Variants in CAMK2D observed in about 807,000 individuals in gnomAD.
The protein encoded by CAMK2D is calcium/calmodulin dependent protein kinase II delta.
Under a neutral mutation model 84.0 loss-of-function variants are expected in CAMK2D, and 37 were observed. That is an observed-to-expected ratio of 0.44 (90% confidence interval 0.34 to 0.58). The LOEUF (loss-of-function observed/expected upper bound fraction) is 0.58, where lower values mean the gene tolerates loss of function less well. CAMK2D is among the 20% of genes least tolerant of loss of function. The pLI is 0.02. For synonymous variants in CAMK2D, 202 were observed against 212.5 expected (o/e 0.95, Z 0.43); for missense variants, 448 against 652.5 (o/e 0.69, Z 3.41).
rs1332601868 is a variant in CAMK2D at position 113,686,488 on chromosome 4, C to T, written c.161-24716G>A. 1.1e-4 allele frequency among the ~76,000 whole-genome samples: 17 copies of T among 152,158 alleles called. 1 individual carries two copies. Among genetic ancestry groups the T allele is most frequent in the Admixed American group, 1.0e-3 (16 of 15,270 alleles). On this transcript the variant is annotated intron_variant, in intron 2 of 20. Coordinates refer to ENST00000511664, the MANE Select transcript of CAMK2D (RefSeq NM_001321571.2). Reference sequence around the variant, plus strand: ...TTAAGTAAGGTACCCTTCTAATTGCCATAATAATTCAAACATTTCTTTAGG... The same window carrying T: ...TTAAGTAAGGTACCCTTCTAATTGCTATAATAATTCAAACATTTCTTTAGG...
intron 3 of CAMK2D, among the ~76,000 whole-genome samples, chr4:113,651,733 T>C (rs2099173610): frequency 6.6e-6 from 1 of 152,170 alleles, no homozygotes; most frequent in Non-Finnish European, 1.5e-5. Context: ...TAGCCTTCAT[T>C]GTTTTCTGAC....
intron 2 of CAMK2D, among the ~76,000 whole-genome samples, chr4:113,742,990 G>A (rs181358189): frequency 1.9e-3 from 296 of 152,216 alleles, no homozygotes; most frequent in African/African-American, 6.7e-3. Flanking sequence ...AAATTGAATC[G>A]TAATAAGGGA....
intron 3 of CAMK2D, among the ~76,000 whole-genome samples, chr4:113,644,566 C>T (rs527388591): frequency 2.6e-5 from 4 of 152,058 alleles, no homozygotes; most frequent in South Asian, 2.1e-4. Flanking sequence ...AATGGGCAAC[C>T]GAGAAGGTAG....
chr4:113,598,385 C>G (rs1448552953), intron 4 of CAMK2D, among the ~76,000 whole-genome samples: 3 of 151,856 alleles, frequency 2.0e-5, no homozygotes, highest in Non-Finnish European at 4.4e-5. Flanking sequence ...AAAACTAACT[C>G]AAAATAGATC....
chr4:113,595,561 C>A (rs545229465), intron 4 of CAMK2D, among the ~76,000 whole-genome samples: 2 of 151,864 alleles, frequency 1.3e-5, no homozygotes, highest in African/African-American at 4.8e-5. Context: ...GATACCGATA[C>A]TACCCATGAA....
At chr4:113,709,023 A>C (rs1043973808) in intron 2 of CAMK2D, among the ~76,000 whole-genome samples, 3 of 152,234 alleles carry the variant, frequency 2.0e-5, no homozygotes, top group African/African-American at 7.2e-5. Context: ...CGCCTGGCCC[A>C]AAACAGAAGT....
chr4:113,656,300 T>G (rs1308752030), intron 3 of CAMK2D, among the ~76,000 whole-genome samples: 1 of 152,120 alleles, frequency 6.6e-6, no homozygotes, highest in Non-Finnish European at 1.5e-5. Context: ...TACTCTACAA[T>G]TTGTTGAGCC....
At chr4:113,527,047 TG>T (rs530083602) in intron 8 of CAMK2D, among the ~76,000 whole-genome samples, 37 of 152,210 alleles carry the variant, frequency 2.4e-4, no homozygotes, top group African/African-American at 8.7e-4. Flanking sequence ...TGTCACATTT[TG>T]GTGAGTACTG....
chr4:113,690,022 T>C (rs1274912299), intron 2 of CAMK2D, among the ~76,000 whole-genome samples: 1 of 152,024 alleles, frequency 6.6e-6, no homozygotes. Context: ...ATACCACCAA[T>C]ACCATGGTGG....
At position 113,454,326 on chromosome 4, in the gene CAMK2D, T is replaced by C; in HGVS notation, c.*219A>G. On this transcript the variant is annotated 3_prime_UTR_variant, in exon 21 of 21. Transcript: ENST00000511664. ...TTTAAGTTTGTGTGGAACATCCCCG[T>C]AGTTGAAGTGTAAACAATGTATAGG... 2.4e-6 allele frequency: 1 copy of C among 412,686 alleles called. No homozygotes were observed. Among genetic ancestry groups the C allele is most frequent in the South Asian group, 6.7e-5 (1 of 14,884 alleles). 25.6% of individuals were successfully genotyped at this position (412,686 alleles called of 1,614,324 possible). A position where few individuals can be genotyped will look rare whatever the true frequency, so the allele number is the denominator to read the frequency against.
Position 113,701,152 on chromosome 4 carries a change from C to A in CAMK2D, c.161-39380G>T, listed in dbSNP as rs41330151. Among the ~76,000 whole-genome samples, 1,216 of 152,272 alleles carry A rather than the reference C, an allele frequency of 8.0e-3. 6 individuals carry two copies. Among genetic ancestry groups the A allele is most frequent in the African/African-American group, 0.028 (1,146 of 41,552 alleles). On this transcript the variant is annotated intron_variant, in intron 2 of 20. Transcript: ENST00000511664. ...AAGCACTGTTTTCTTCATGTCACAT[C>A]CCTGCTCCAAAAGCTTTCTGCTGTC... is the stretch of plus-strand genomic sequence containing the variant.
intron 16 of CAMK2D, among the ~76,000 whole-genome samples, chr4:113,469,305 T>C (rs942317063): frequency 2.0e-5 from 3 of 152,180 alleles, no homozygotes; most frequent in Non-Finnish European, 4.4e-5. Context: ...AATAAAGGGA[T>C]TATGCGCATT....
chr4:113,505,844 C>T (rs779959362), intron 13 of CAMK2D, among the ~76,000 whole-genome samples: 3 of 152,112 alleles, frequency 2.0e-5, no homozygotes, highest in Non-Finnish European at 2.9e-5. Context: ...AGTGTTCTAA[C>T]GGTCCACAGA....
chr4:113,556,081 A>G (rs959675825), intron 4 of CAMK2D, among the ~76,000 whole-genome samples: 6 of 152,190 alleles, frequency 3.9e-5, no homozygotes, highest in Admixed American at 3.9e-4. Context: ...CACCCAAGCT[A>G]TGGTATTCTG....
At chr4:113,649,938 T>C (rs990500402) in intron 3 of CAMK2D, among the ~76,000 whole-genome samples, 4 of 151,348 alleles carry the variant, frequency 2.6e-5, no homozygotes, top group Admixed American at 2.6e-4. Context: ...AAAAATTAGC[T>C]GTGTGTGGTG....
chr4:113,729,113 T>C (rs942145540), intron 2 of CAMK2D, among the ~76,000 whole-genome samples: 1 of 152,198 alleles, frequency 6.6e-6, no homozygotes, highest in African/African-American at 2.4e-5. Context: ...GTGGATTATA[T>C]ATTAACAAAC....
intron 2 of CAMK2D, among the ~76,000 whole-genome samples, chr4:113,686,543 A>G (rs1279417301): frequency 6.6e-6 from 1 of 152,210 alleles, no homozygotes; most frequent in African/African-American, 2.4e-5. Flanking sequence ...GATTTTTATT[A>G]CACCTTTGAT....
At chr4:113,730,882 C>T (rs2099566599) in intron 2 of CAMK2D, among the ~76,000 whole-genome samples, 1 of 152,188 alleles carries the variant, frequency 6.6e-6, no homozygotes, top group South Asian at 2.1e-4. Flanking sequence ...AGGTACCACA[C>T]TTTACATCTT....
intron 6 of CAMK2D, among the ~76,000 whole-genome samples, chr4:113,538,839 T>C (rs2154188894): frequency 6.6e-6 from 1 of 152,314 alleles, no homozygotes; most frequent in African/African-American, 2.4e-5. Context: ...TTTAATCAAG[T>C]ACCAGACTTC....
Sources: allele counts gnomAD v4.1 joint callset (sites outside exome capture counted in the v4.1 genomes callset), GRCh38; gene constraint gnomAD v4.1.1; transcripts MANE v1.5; gene names NCBI Gene and HGNC (gene_info 2026-07-23, HGNC 2026-07-21).